LDLRAD3: variants seen among roughly 807,000 people sequenced by gnomAD.
LDLRAD3 encodes low density lipoprotein receptor class A domain containing 3, also known as low-density lipoprotein receptor class A domain-containing protein 3.
LDLRAD3 carries 20 observed loss-of-function variants against 29.4 expected under a neutral mutation model. The ratio of observed to expected loss-of-function variants is 0.68; its 90% CI spans 0.48 to 0.99. LDLRAD3 has a LOEUF of 0.99. Among genes scored for constraint, LDLRAD3 ranks in the 50% least tolerant of loss-of-function variants. The probability of loss-of-function intolerance (pLI) is 0.00; values close to 1 mark genes in which losing one functional copy is unlikely to be tolerated. For missense variants in LDLRAD3, 420 were observed against 454.3 expected (o/e 0.92, Z 0.69); for synonymous variants, 157 against 192.7 (o/e 0.81, Z 1.53).
intron 4 of LDLRAD3, among the ~76,000 whole-genome samples, chr11:36,118,735 A>G (rs1214804988): frequency 6.6e-6 from 1 of 152,152 alleles, no homozygotes; most frequent in Non-Finnish European, 1.5e-5. Context: ...CACACAATTC[A>G]ATGTGTATTC....
At chr11:36,062,467 G>A (rs762496412) in intron 2 of LDLRAD3, among the ~76,000 whole-genome samples, 3 of 152,152 alleles carry the variant, frequency 2.0e-5, no homozygotes, top group South Asian at 2.1e-4. Flanking sequence ...CAAGGAAGAA[G>A]CCTTTAATTA....
intron 2 of LDLRAD3, among the ~76,000 whole-genome samples, chr11:36,066,267 G>A (rs1261060802): frequency 6.6e-6 from 1 of 150,692 alleles, no homozygotes; most frequent in Non-Finnish European, 1.5e-5. Context: ...TCTTTTTTTA[G>A]GTGGAAACTA....
At chr11:35,984,277 A>G (rs771139972) in intron 1 of LDLRAD3, among the ~76,000 whole-genome samples, 9 of 152,034 alleles carry the variant, frequency 5.9e-5, no homozygotes, top group Non-Finnish European at 1.2e-4. Context: ...CCCACAATGC[A>G]TTAGGCATTT....
intron 2 of LDLRAD3, among the ~76,000 whole-genome samples, chr11:36,064,479 ATTTT>A (rs34464861): frequency 5.0e-5 from 6 of 120,582 alleles, no homozygotes; most frequent in Admixed American, 9.3e-5. Flanking sequence ...TGGCTAATTA[ATTTT>A]TTTTTTTTTT....
intron 1 of LDLRAD3, among the ~76,000 whole-genome samples, chr11:35,949,574 C>T (rs562383685): frequency 7.2e-5 from 11 of 152,298 alleles, no homozygotes; most frequent in African/African-American, 2.2e-4. Context: ...TCTCTACTAG[C>T]GGCAAGCTGT....
chr11:36,020,911 G>T (rs533038119), intron 1 of LDLRAD3, among the ~76,000 whole-genome samples: 1 of 152,202 alleles, frequency 6.6e-6, no homozygotes, highest in African/African-American at 2.4e-5. Context: ...CAGTAAGGAA[G>T]CCATTAGTGC....
At chr11:36,145,847 T>C (rs1286167277) in intron 4 of LDLRAD3, among the ~76,000 whole-genome samples, 1 of 151,458 alleles carries the variant, frequency 6.6e-6, no homozygotes, top group Non-Finnish European at 1.5e-5. Flanking sequence ...TAATCTCAAG[T>C]ACCCAGGGAC....
At chr11:36,090,939 A>G (rs562999235) in intron 3 of LDLRAD3, among the ~76,000 whole-genome samples, 61 of 152,318 alleles carry the variant, frequency 4.0e-4, no homozygotes, top group African/African-American at 1.3e-3. Flanking sequence ...ACAGGTGTCA[A>G]TAGGCAAGCC....
intron 4 of LDLRAD3, among the ~76,000 whole-genome samples, chr11:36,211,877 G>C (rs1341862616): frequency 6.6e-6 from 1 of 152,188 alleles, no homozygotes; most frequent in Non-Finnish European, 1.5e-5. Context: ...CATCCTGCTT[G>C]AGTTAGCAGT....
At position 36,150,730 on chromosome 11, in the gene LDLRAD3, G is replaced by A. The variant is rs112827535; in HGVS notation, c.454+52269G>A. On this transcript the variant is annotated intron_variant, in intron 4 of 5. Transcript: ENST00000315571. Reference sequence around the variant, plus strand: ...AGATTGAGCCACTGCACTCCAGCCTGGGCAACAGAGCAAGACTCTGTTTCA... The same window carrying A: ...AGATTGAGCCACTGCACTCCAGCCTAGGCAACAGAGCAAGACTCTGTTTCA... 5.8e-3 allele frequency among the ~76,000 whole-genome samples: 875 copies of A among 152,066 alleles called. 9 individuals are homozygous for A. Among genetic ancestry groups the A allele is most frequent in the African/African-American group, 0.02 (842 of 41,476 alleles).
chr11:35,976,849 TGTGTGTGTGC>T (rs1280427481), intron 1 of LDLRAD3, among the ~76,000 whole-genome samples: 6 of 152,168 alleles, frequency 3.9e-5, no homozygotes, highest in African/African-American at 1.4e-4. Context: ...TGTGTGTTTG[TGTGTGTGTGC>T]GTGTGTGTAC....
At chr11:35,967,824 C>A in intron 1 of LDLRAD3, 1 of 432,808 alleles carries the variant, frequency 2.3e-6, no homozygotes, top group South Asian at 1.7e-5. Flanking sequence ...AAGCTCCTGC[C>A]ATTGCAGTAT....
At chr11:36,055,016 T>TGAATG in intron 2 of LDLRAD3, among the ~76,000 whole-genome samples, 1 of 87,538 alleles carries the variant, frequency 1.1e-5, no homozygotes, top group Admixed American at 1.2e-4. Flanking sequence ...GATGGATAGA[T>TGAATG]GGTTGGATGA....
rs115395753 is a variant in LDLRAD3, at chr11:36,152,011, C to A, written c.454+53550C>A. ...TGTGACCACCACCAGCTTCCCAAAC[C>A]AGCCCATCCAACTCCCTTTTCCTGA... On this transcript the variant is annotated intron_variant, in intron 4 of 5. Transcript: ENST00000315571. Among the ~76,000 whole-genome samples, 573 of 151,420 alleles carry A rather than the reference C, an allele frequency of 3.8e-3. 1 individual carries two copies. Among genetic ancestry groups the A allele is most frequent in the African/African-American group, 0.013 (529 of 40,704 alleles).
chr11:36,035,096 C>T (rs1852286238), intron 1 of LDLRAD3, among the ~76,000 whole-genome samples: 1 of 152,064 alleles, frequency 6.6e-6, no homozygotes, highest in Admixed American at 6.5e-5. Flanking sequence ...GCACAAGTAT[C>T]TGGTCATAAA....
chr11:36,103,843 C>T (rs754061046), intron 4 of LDLRAD3, among the ~76,000 whole-genome samples: 5 of 152,178 alleles, frequency 3.3e-5, no homozygotes, highest in Non-Finnish European at 7.4e-5. Flanking sequence ...CCTCACGGTC[C>T]ATCCATGTTG....
intron 1 of LDLRAD3, among the ~76,000 whole-genome samples, chr11:35,994,548 A>G (rs1851729835): frequency 6.6e-6 from 1 of 152,088 alleles, no homozygotes; most frequent in Non-Finnish European, 1.5e-5. Context: ...TTGCTGACTG[A>G]TCAGTGTAGT....
chr11:36,036,300 G>T, intron 2 of LDLRAD3, 51 bp downstream of exon 2: 2 of 1,609,508 alleles, frequency 1.2e-6, no homozygotes, highest in Admixed American at 3.3e-5. Context: ...TCCTGGGGCA[G>T]AGGGGAGCAG....
chr11:36,039,414 C>A (rs972614152), intron 2 of LDLRAD3, among the ~76,000 whole-genome samples: 1 of 152,116 alleles, frequency 6.6e-6, no homozygotes, highest in African/African-American at 2.4e-5. Context: ...TAAACTTTAG[C>A]CTTTGGGAGG....
Sources: allele counts gnomAD v4.1 joint callset (sites outside exome capture counted in the v4.1 genomes callset), GRCh38; gene constraint gnomAD v4.1.1; transcripts MANE v1.5; gene names NCBI Gene and HGNC (gene_info 2026-07-23, HGNC 2026-07-21).